KCNQ1: variants seen among roughly 807,000 people sequenced by gnomAD.
KCNQ1 encodes potassium voltage-gated channel subfamily Q member 1.
In KCNQ1, 49 loss-of-function variants were observed where a neutral mutation model predicts 72.4. That is an observed-to-expected ratio of 0.68 (90% confidence interval 0.54 to 0.86). KCNQ1 has a LOEUF of 0.86. KCNQ1 is among the 40% of genes least tolerant of loss of function. KCNQ1 has a pLI of 0.00. For missense variants in KCNQ1, 790 were observed against 945.1 expected (o/e 0.84, Z 2.15); for synonymous variants, 450 against 412.6 (o/e 1.09, Z -1.10).
rs1034564991 is a variant in KCNQ1 at position 2,471,747 on chromosome 11, CGTGTGTGTACTTGTGTATGGGT to C, written c.386+26269_386+26290del. Among the ~76,000 whole-genome samples, 3 of 143,070 alleles carry C rather than the reference CGTGTGTGTACTTGTGTATGGGT, an allele frequency of 2.1e-5. No individual in the cohort carries two copies. Among genetic ancestry groups the C allele is most frequent in the African/African-American group, 8.2e-5 (3 of 36,706 alleles). 93.9% of individuals were successfully genotyped at this position (143,070 alleles called of 152,430 possible). On this transcript the variant is annotated intron_variant, in intron 1 of 15. Coordinates refer to ENST00000155840, the MANE Select transcript of KCNQ1 (RefSeq NM_000218.3). The surrounding 1 kb of genome is among the most constrained non-coding windows in gnomAD (Gnocchi z 4.8). ...ATGGGCGTGTGTATGTGTGCATGGGCGTGTGTGTACTTGTGTATGGGTGTGTGCATGTGATTGGGTGTGTGCA... is the reference window on the plus strand; with the variant it reads ...ATGGGCGTGTGTATGTGTGCATGGGCGTGTGCATGTGATTGGGTGTGTGCA...
rs544702421 is a variant in KCNQ1 at position 2,562,919 on chromosome 11, C to T, written c.478-7709C>T. Among the ~76,000 whole-genome samples, 2 of 152,274 alleles carry T rather than the reference C, an allele frequency of 1.3e-5. No individual in the cohort carries two copies. Among genetic ancestry groups the T allele is most frequent in the East Asian group, 1.9e-4 (1 of 5,192 alleles). ...TACTGTAGAGCAGTAACATCAGAGA[C>T]ACCAAAATAGACAAAAGAGATAATA... On this transcript the variant is annotated intron_variant, in intron 2 of 15. Coordinates refer to ENST00000155840, the MANE Select transcript of KCNQ1 (RefSeq NM_000218.3). This position sits in a 1 kb window ranked among gnomAD's most constrained non-coding sequence, Gnocchi z 7.5.
chr11:2,727,364 C>T (rs746769990), intron 11 of KCNQ1, among the ~76,000 whole-genome samples: 5 of 152,156 alleles, frequency 3.3e-5, no homozygotes, highest in African/African-American at 7.2e-5. Flanking sequence ...ACGGTAGCTA[C>T]GTGTGGGGCG....
chr11:2,693,669 A>T lies in KCNQ1; in HGVS notation c.1514+31588A>T, dbSNP rs187279231. On this transcript the variant is annotated intron_variant, in intron 11 of 15. Coordinates refer to ENST00000155840, the MANE Select transcript of KCNQ1 (RefSeq NM_000218.3). ...GAGAAAGGCTTTTAGTTCCGCAGAC[A>T]GAGCAGCCAGAGACTGGGTGCGCTC... 3.8e-3 allele frequency: 1,501 copies of T among 398,650 alleles called. 26 individuals carry two copies. Among genetic ancestry groups the T allele is most frequent in the Non-Finnish European group, 3.5e-4 (79 of 226,084 alleles). 24.7% of individuals were successfully genotyped at this position (398,650 alleles called of 1,614,324 possible).
intron 1 of KCNQ1, among the ~76,000 whole-genome samples, chr11:2,499,219 G>A (rs1846969130): frequency 6.6e-6 from 1 of 152,106 alleles, no homozygotes; most frequent in African/African-American, 2.4e-5. Context: ...GCTTGTTTAT[G>A]CAATTAGTGT....
In KCNQ1 at chr11:2,515,917, T is replaced by C. The variant is rs951132786; in HGVS notation, c.387-12011T>C. On this transcript the variant is annotated intron_variant, in intron 1 of 15. Coordinates refer to ENST00000155840, the MANE Select transcript of KCNQ1 (RefSeq NM_000218.3). This position sits in a 1 kb window ranked among gnomAD's most constrained non-coding sequence, Gnocchi z 4.7. ...TTGCACCCCAGAGCCTGGCCACCCC[T>C]GTCCTCTGCTGAGGCCCTGACCACC... 2.0e-5 allele frequency among the ~76,000 whole-genome samples: 3 copies of C among 151,892 alleles called. No individual in the cohort carries two copies. Among genetic ancestry groups the C allele is most frequent in the Middle Eastern group, 3.2e-3 (1 of 316 alleles).
Position 2,658,694 on chromosome 11 carries a change from G to A in KCNQ1, c.1394-3267G>A, listed in dbSNP as rs1293955015. On this transcript the variant is annotated intron_variant, in intron 10 of 15. Transcript: ENST00000155840. The surrounding 1 kb of genome is among the most constrained non-coding windows in gnomAD (Gnocchi z 4.9). ...CAGTGGACAGAGCTAGGAAATATAT[G>A]TATGTATGTAACCTGAGTACACATA... 2 of 398,328 alleles carry A rather than the reference G, an allele frequency of 5.0e-6. No homozygotes were observed. Among genetic ancestry groups the A allele is most frequent in the Non-Finnish European group, 4.4e-6 (1 of 226,030 alleles). The allele number at this position is 398,328 out of a possible 1,614,324, so 24.7% of individuals were successfully genotyped here.
At position 2,563,053 on chromosome 11, in the gene KCNQ1, C is replaced by T. The variant is rs531990639; in HGVS notation, c.478-7575C>T. On this transcript the variant is annotated intron_variant, in intron 2 of 15. Transcript: ENST00000155840. This position sits in a 1 kb window ranked among gnomAD's most constrained non-coding sequence, Gnocchi z 7.4. ...TTCATCCAGAGAGACAGGATGTGAG[C>T]GCAGCTGGTCAGAACCAGTTATTTC... Among the ~76,000 whole-genome samples the T allele has an allele frequency of 3.9e-4, 60 of 152,230 alleles. No individual in the cohort carries two copies. The highest frequency in any genetic ancestry group is 3.4e-3 in the Middle Eastern group (1 of 294).
chr11:2,542,851 C>T (rs894357011), intron 2 of KCNQ1, among the ~76,000 whole-genome samples: 5 of 152,200 alleles, frequency 3.3e-5, no homozygotes, highest in African/African-American at 9.7e-5. Context: ...TGCTGGCGGA[C>T]TCTGTATAAA....
intron 1 of KCNQ1, among the ~76,000 whole-genome samples, chr11:2,510,456 A>T (rs1402411921): frequency 6.7e-6 from 1 of 149,628 alleles, no homozygotes; most frequent in Non-Finnish European, 1.5e-5. Context: ...AAAATACAAA[A>T]ATTAGCTGGG....
chr11:2,623,376 A>C lies in KCNQ1; in HGVS notation c.1393+34522A>C. The C allele has an allele frequency of 2.5e-6, 1 of 398,608 alleles. No individual in the cohort carries two copies. Among genetic ancestry groups the C allele is most frequent in the South Asian group, 1.3e-4 (1 of 7,858 alleles). 24.7% of individuals were successfully genotyped at this position (398,608 alleles called of 1,614,324 possible). A position where few individuals can be genotyped will look rare whatever the true frequency, so the allele number is the denominator to read the frequency against. ...CATACAGATACGTATATTTACATAT[A>C]TTTGTACATTTTCACTGCCCTAAAA... On this transcript the variant is annotated intron_variant, in intron 10 of 15. Coordinates refer to ENST00000155840, the MANE Select transcript of KCNQ1 (RefSeq NM_000218.3). This position sits in a 1 kb window ranked among gnomAD's most constrained non-coding sequence, Gnocchi z 5.2.
rs943440618 is a variant in KCNQ1 at position 2,745,872 on chromosome 11, A to G, written c.1515-22972A>G. Among the ~76,000 whole-genome samples the G allele has an allele frequency of 6.6e-6, 1 of 151,964 alleles. No homozygotes were observed. Among genetic ancestry groups the G allele is most frequent in the African/African-American group, 2.4e-5 (1 of 41,368 alleles). ...CCTCGGCTGCCTCTTCTCCCTCACT[A>G]CTATTTGGTTTTTGTTTTGTTTTGT... is the stretch of plus-strand genomic sequence containing the variant. On this transcript the variant is annotated intron_variant, in intron 11 of 15. Transcript: ENST00000155840. This position sits in a 1 kb window ranked among gnomAD's most constrained non-coding sequence, Gnocchi z 6.2.
chr11:2,673,226 T>G lies in KCNQ1; in HGVS notation c.1514+11145T>G, dbSNP rs1590022861. 4 of 398,672 alleles carry G rather than the reference T, an allele frequency of 1.0e-5. No individual in the cohort carries two copies. 24.7% of individuals were successfully genotyped at this position (398,672 alleles called of 1,614,324 possible). ...CTGTGACTAGGCAAGCTGAGTCCCC[T>G]GTAGATTCTGGGGACTGGGTGATGC... is the stretch of plus-strand genomic sequence containing the variant. On this transcript the variant is annotated intron_variant, in intron 11 of 15. Coordinates refer to ENST00000155840, the MANE Select transcript of KCNQ1 (RefSeq NM_000218.3). This position sits in a 1 kb window ranked among gnomAD's most constrained non-coding sequence, Gnocchi z 4.5.
At chr11:2,580,720 TG>T (rs1355025792) in intron 6 of KCNQ1, among the ~76,000 whole-genome samples, 1 of 152,184 alleles carries the variant, frequency 6.6e-6, no homozygotes, top group Non-Finnish European at 1.5e-5. Flanking sequence ...CCTTCAACCC[TG>T]CTTCTCATAC....
Position 2,827,159 on chromosome 11 carries a change from G to T in KCNQ1, c.1795-20608G>T, listed in dbSNP as rs142466198. Among the ~76,000 whole-genome samples the T allele has an allele frequency of 1.2e-3, 176 of 152,318 alleles. 3 individuals carry two copies. In the East Asian group the frequency reaches 0.013, roughly 12 times the overall value. On this transcript the variant is annotated intron_variant, in intron 15 of 15. Coordinates refer to ENST00000155840, the MANE Select transcript of KCNQ1 (RefSeq NM_000218.3). The surrounding 1 kb of genome is among the most constrained non-coding windows in gnomAD (Gnocchi z 6.7). Reference sequence around the variant, plus strand: ...TTGCTGTCCCCCAGGTAGGAGATAAGGGACCAGAGTCAGGGCAGGTGGGAG... The same window carrying T: ...TTGCTGTCCCCCAGGTAGGAGATAATGGACCAGAGTCAGGGCAGGTGGGAG...
intron 10 of KCNQ1, among the ~76,000 whole-genome samples, chr11:2,607,637 C>CA (rs1206808760): frequency 6.6e-6 from 1 of 152,080 alleles, no homozygotes; most frequent in Non-Finnish European, 1.5e-5. Context: ...TGTAAAATTG[C>CA]AAAAAATAAA....
rs774611352 is a variant in KCNQ1 at position 2,606,778 on chromosome 11, TG to T, written c.1393+17926del. Reference sequence around the variant, plus strand: ...CTTTTTCTTCCCAAATTATCCTGGATGGAACACTCAATAAATGTTGAATAGA... The same window carrying T: ...CTTTTTCTTCCCAAATTATCCTGGATGAACACTCAATAAATGTTGAATAGA... On this transcript the variant is annotated intron_variant, in intron 10 of 15. Coordinates refer to ENST00000155840, the MANE Select transcript of KCNQ1 (RefSeq NM_000218.3). Among the ~76,000 whole-genome samples the T allele has an allele frequency of 2.0e-4, 31 of 152,258 alleles. No individual in the cohort carries two copies. The Middle Eastern group carries it at 0.01, about 50-fold the overall frequency.
intron 11 of KCNQ1, among the ~76,000 whole-genome samples, chr11:2,706,917 TG>T (rs1259632788): frequency 6.6e-6 from 1 of 151,506 alleles, no homozygotes; most frequent in East Asian, 1.9e-4. Context: ...TTGGGTGGAG[TG>T]GGTGGAGAGG....
chr11:2,836,081 G>T (rs377038154), intron 15 of KCNQ1, among the ~76,000 whole-genome samples: 1 of 152,116 alleles, frequency 6.6e-6, no homozygotes, highest in Non-Finnish European at 1.5e-5. Context: ...CGTGGCGGGG[G>T]TGGGGGTCAG....
In KCNQ1 at chr11:2,564,302, T is replaced by C. The variant is rs1406902817; in HGVS notation, c.478-6326T>C. On this transcript the variant is annotated intron_variant, in intron 2 of 15. Transcript: ENST00000155840. This position sits in a 1 kb window ranked among gnomAD's most constrained non-coding sequence, Gnocchi z 4.5. ...AACATGTTCTTTTTAAACATTATGG[T>C]GAAATATAAGGCCAGGCGCGGTGAC... is the stretch of plus-strand genomic sequence containing the variant. 1.3e-5 allele frequency among the ~76,000 whole-genome samples: 2 copies of C among 152,094 alleles called. No homozygotes were observed. The highest frequency in any genetic ancestry group is 6.6e-5 in the Admixed American group (1 of 15,264).
Sources: gnomAD v4.1 joint callset for allele counts (sites outside exome capture counted in the v4.1 genomes callset) on GRCh38, gnomAD v4.1.1 for gene constraint, Gnocchi (gnomAD v3.1) non-coding constraint, MANE v1.5 for transcripts, NCBI Gene and HGNC (gene_info 2026-07-23, HGNC 2026-07-21) for gene names.